Variants in PRSS12 observed in about 807,000 individuals in gnomAD.
The protein encoded by PRSS12 is neurotrypsin.
PRSS12 carries 85 observed loss-of-function variants against 104.4 expected under a neutral mutation model. The ratio of observed to expected loss-of-function variants is 0.81; its 90% CI spans 0.68 to 0.98. The LOEUF (loss-of-function observed/expected upper bound fraction) is 0.98. Ranked by LOEUF, PRSS12 falls within the 50% of genes least tolerant of loss-of-function variation. PRSS12 has a pLI of 0.00. For synonymous variants in PRSS12, 454 were observed against 425.2 expected, an observed-to-expected ratio of 1.07 and a Z score of -0.83; for missense variants, 1,141 against 1,139.2, an observed-to-expected ratio of 1.00 and a Z score of -0.02.
At chr4:118,337,538 C>T (rs548548525) in intron 2 of PRSS12, among the ~76,000 whole-genome samples, 1 of 152,224 alleles carries the variant, frequency 6.6e-6, no homozygotes, top group African/African-American at 2.4e-5. Flanking sequence ...GGAGCCAGTT[C>T]CCAGGCTGAC....
At chr4:118,322,784 A>G (rs1224528228) in intron 4 of PRSS12, among the ~76,000 whole-genome samples, 1 of 152,022 alleles carries the variant, frequency 6.6e-6, no homozygotes, top group African/African-American at 2.4e-5. Context: ...GGGAAGATAC[A>G]GGATAGGAGA....
rs1427673125 is a variant in PRSS12 at position 118,281,620 on chromosome 4, A to G, written c.*316T>C. 7.8e-6 allele frequency: 3 copies of G among 386,210 alleles called. No homozygotes were observed. Among genetic ancestry groups the G allele is most frequent in the East Asian group, 5.8e-5 (1 of 17,266 alleles). The allele number at this position is 386,210 out of a possible 1,614,324, so 23.9% of individuals were successfully genotyped here. A position where few individuals can be genotyped will look rare whatever the true frequency, so the allele number is the denominator to read the frequency against. On this transcript the variant is annotated 3_prime_UTR_variant, in exon 13 of 13. Coordinates refer to ENST00000296498, the MANE Select transcript of PRSS12 (RefSeq NM_003619.4). ...TCAATTAAAAGGGGTTCTCAGTTCA[A>G]ATGTAAAAATGATCTTTTGTAAAAT... is the stretch of plus-strand genomic sequence containing the variant.
rs70941165 is a variant in PRSS12 at position 118,316,837 on chromosome 4, A to AATAT, written c.1151-518_1151-515dup. On this transcript the variant is annotated intron_variant, in intron 5 of 12. Transcript: ENST00000296498. ...ACTCCGTCTCACGGAAAAAAAAAAA[A>AATAT]ATATATATATATATATATATCTTTC... Among the ~76,000 whole-genome samples the AATAT allele has an allele frequency of 5.9e-3, 589 of 99,176 alleles. 18 individuals carry two copies. In the East Asian group the frequency reaches 0.087, roughly 15 times the overall value. 65.1% of individuals were successfully genotyped at this position (99,176 alleles called of 152,430 possible).
chr4:118,345,687 T>C (rs1034386119), intron 1 of PRSS12, among the ~76,000 whole-genome samples: 4 of 152,146 alleles, frequency 2.6e-5, no homozygotes, highest in South Asian at 2.1e-4. Flanking sequence ...GACAAGGAAA[T>C]ATGCTTTGTC....
At chr4:118,312,296 T>G (rs1037028737) in intron 7 of PRSS12, among the ~76,000 whole-genome samples, 1 of 152,060 alleles carries the variant, frequency 6.6e-6, no homozygotes, top group Non-Finnish European at 1.5e-5. Context: ...ACAAAGGAGT[T>G]GATTCAATCC....
chr4:118,350,226 T>G (rs572430325), intron 1 of PRSS12, among the ~76,000 whole-genome samples: 2 of 152,140 alleles, frequency 1.3e-5, no homozygotes, highest in African/African-American at 4.8e-5. Context: ...GAGTTAAGAG[T>G]CTTACCCAAC....
chr4:118,299,818 A>AAAAT lies in PRSS12; in HGVS notation c.1632-884_1632-881dup, dbSNP rs1166404034. Among the ~76,000 whole-genome samples, 22 of 139,422 alleles carry AAAAT rather than the reference A, an allele frequency of 1.6e-4. 1 individual carries two copies. Among genetic ancestry groups the AAAAT allele is most frequent in the East Asian group, 7.3e-4 (3 of 4,084 alleles). The allele number at this position is 139,422 out of a possible 152,430, so 91.5% of individuals were successfully genotyped here. On this transcript the variant is annotated intron_variant, in intron 8 of 12. Coordinates refer to ENST00000296498, the MANE Select transcript of PRSS12 (RefSeq NM_003619.4). Reference sequence around the variant, plus strand: ...ATAAATAAAATAAAATAAATAAAATAAAATAAAATAAAATAAAATAAAATA... The same window carrying AAAAT: ...ATAAATAAAATAAAATAAATAAAATAAAATAAATAAAATAAAATAAAATAAAATA...
chr4:118,287,348 C>T (rs1743037380), intron 11 of PRSS12, among the ~76,000 whole-genome samples: 1 of 152,118 alleles, frequency 6.6e-6, no homozygotes, highest in African/African-American at 2.4e-5. Flanking sequence ...TAGGGTCTCA[C>T]TATGTTGCCT....
chr4:118,348,932 G>A (rs55709826), intron 1 of PRSS12, among the ~76,000 whole-genome samples: 3 of 152,220 alleles, frequency 2.0e-5, no homozygotes, highest in East Asian at 1.9e-4. Flanking sequence ...GATTACAAGC[G>A]ACAGCTACCG....
intron 9 of PRSS12, among the ~76,000 whole-genome samples, chr4:118,298,478 G>A (rs1743308895): frequency 6.6e-6 from 1 of 152,114 alleles, no homozygotes; most frequent in South Asian, 2.1e-4. Context: ...CAGAGAAATG[G>A]CTAAGAAAGT....
chr4:118,302,345 C>T (rs1326782333), intron 8 of PRSS12, among the ~76,000 whole-genome samples: 1 of 152,122 alleles, frequency 6.6e-6, no homozygotes, highest in African/African-American at 2.4e-5. Context: ...GTTTACTTAC[C>T]TAGTCTTGAA....
rs552978333 is a variant in PRSS12 at position 118,282,152 on chromosome 4, C to T, written c.2412G>A (p.Gly804=). The change falls in exon 13 of 13, where the codon GGG becomes GGA. Residue 804 remains glycine, a synonymous_variant. Transcript: ENST00000296498. The part of the protein sequence containing the change: ...CEERYKGRFT[G]RMLCAGNLHE... ...GGAGGTTTCCAGCACAAAGCATTCT[C>T]CCTGTAAACCGACCCTTATAACGTT... is the stretch of plus-strand genomic sequence containing the variant. 2.0e-5 allele frequency: 32 copies of T among 1,614,200 alleles called. No homozygotes were observed. Among genetic ancestry groups the T allele is most frequent in the Middle Eastern group, 1.6e-4 (1 of 6,062 alleles).
intron 10 of PRSS12, among the ~76,000 whole-genome samples, 161 bp downstream of exon 10, chr4:118,295,616 AC>A (rs1174650763): frequency 6.6e-6 from 1 of 152,260 alleles, no homozygotes; most frequent in African/African-American, 2.4e-5. Context: ...TACCAAGTAA[AC>A]ATAGGTCAAA....
intron 4 of PRSS12, among the ~76,000 whole-genome samples, chr4:118,325,216 C>T (rs946718216): frequency 6.6e-6 from 1 of 151,350 alleles, no homozygotes; most frequent in African/African-American, 2.4e-5. Flanking sequence ...AATGTGAGAG[C>T]AACAGACACT....
chr4:118,343,258 G>C (rs185601106), intron 1 of PRSS12, among the ~76,000 whole-genome samples: 1 of 152,122 alleles, frequency 6.6e-6, no homozygotes, highest in East Asian at 1.9e-4. Flanking sequence ...AGCCGGGCTT[G>C]GTGGCCCACG....
intron 1 of PRSS12, among the ~76,000 whole-genome samples, chr4:118,343,552 TC>T (rs1360259682): frequency 6.6e-6 from 1 of 152,130 alleles, no homozygotes; most frequent in Non-Finnish European, 1.5e-5. Context: ...TGAAAAGATA[TC>T]CCTGTTCAGC....
intron 8 of PRSS12, among the ~76,000 whole-genome samples, chr4:118,301,234 T>TA (rs1475382443): frequency 6.6e-6 from 1 of 152,214 alleles, no homozygotes; most frequent in East Asian, 1.9e-4. Context: ...TCATGCTATA[T>TA]GTGCACAAGC....
intron 6 of PRSS12, among the ~76,000 whole-genome samples, 171 bp downstream of exon 6, chr4:118,316,011 T>C (rs1396156533): frequency 1.3e-5 from 2 of 152,112 alleles, no homozygotes; most frequent in East Asian, 1.9e-4. Context: ...CAAGAGGTGG[T>C]TATTCATCAT....
At chr4:118,303,626 C>T (rs1320427311) in intron 8 of PRSS12, 4 of 152,118 alleles carry the variant, frequency 2.6e-5, no homozygotes, top group Admixed American at 2.6e-4. Context: ...TGACACAACA[C>T]TTTCTGATAA....
Sources: gnomAD v4.1 joint callset for allele counts (sites outside exome capture counted in the v4.1 genomes callset) on GRCh38, gnomAD v4.1.1 for gene constraint, MANE v1.5 for transcripts, NCBI Gene and HGNC (gene_info 2026-07-23, HGNC 2026-07-21) for gene names.